BRAT1: variants seen among roughly 807,000 people sequenced by gnomAD.
BRAT1 encodes BRCA1 associated ATM activator 1.
BRAT1 carries 74 observed loss-of-function variants against 70.6 expected under a neutral mutation model. The ratio of observed to expected loss-of-function variants is 1.05; its 90% CI spans 0.87 to 1.27. BRAT1 has a LOEUF of 1.27. BRAT1 is among the 50% of genes most tolerant of loss of function. BRAT1 has a pLI of 0.00. For missense variants in BRAT1, 1,203 were observed against 1,098.2 expected (o/e 1.10, Z -1.35); for synonymous variants, 615 against 517.1 (o/e 1.19, Z -2.57).
intron 2 of BRAT1, among the ~76,000 whole-genome samples, chr7:2,550,959 G>T (rs1397817581): frequency 6.6e-6 from 1 of 152,150 alleles, no homozygotes; most frequent in Non-Finnish European, 1.5e-5. Flanking sequence ...TCATGCTTAG[G>T]TTGGGTGCAG....
intron 1 of BRAT1, among the ~76,000 whole-genome samples, chr7:2,555,210 T>C (rs965316856): frequency 5.9e-5 from 9 of 151,716 alleles, no homozygotes; most frequent in African/African-American, 1.5e-4. Flanking sequence ...AGCGGCTCTG[T>C]CTAACCGGGG....
intron 3 of BRAT1, among the ~76,000 whole-genome samples, chr7:2,545,417 A>AG (rs1217020072): frequency 7.0e-6 from 1 of 143,548 alleles, no homozygotes; most frequent in Non-Finnish European, 1.5e-5. Context: ...GTAGGTTTCC[A>AG]GGGATGTGGA....
chr7:2,538,723 C>T lies in BRAT1; in HGVS notation c.1812G>A (p.Ser604=), dbSNP rs758363310. The change falls in exon 14 of 14, where the codon TCG becomes TCA. Residue 604 remains serine (S), a synonymous_variant. Coordinates refer to ENST00000340611, the MANE Select transcript of BRAT1 (RefSeq NM_152743.4). ...TGACCGCCCGCCGTGGGAAGCCCTC[C>T]GAGTCTACGGAGAGGATGTGCAGGA... ...LELLHILSVD[S]EGFPRRAVMQ... is the part of the protein sequence containing the mutation. The T allele has an allele frequency of 1.0e-5, 16 of 1,598,294 alleles. No individual in the cohort carries two copies. In the East Asian group the frequency reaches 1.6e-4, roughly 16 times the overall value.
intron 3 of BRAT1, 36 bp from the exon 4 acceptor site, chr7:2,545,092 G>A (rs2053240): frequency 8.9e-6 from 13 of 1,459,014 alleles, no homozygotes; most frequent in East Asian, 2.5e-5. Context: ...GTGGCCAGGC[G>A]CAGTGGCTGA....
chr7:2,547,450 G>A lies in BRAT1; in HGVS notation c.156C>T (p.His52=). The part of the protein sequence containing the change: ...GESSVVLLQE[H]PCLVELLSHV... ...GGGACAGCAGCTCCACCAGGCAGGG[G>A]TGCTCCTGCAGCAGCACGACACTGG... is the stretch of plus-strand genomic sequence containing the variant. The change falls in exon 3 of 14, where the codon CAC becomes CAT. Residue 52 remains histidine (H), a synonymous_variant. Transcript: ENST00000340611. 1.2e-6 allele frequency: 2 copies of A among 1,614,066 alleles called. No individual in the cohort carries two copies. Among genetic ancestry groups the A allele is most frequent in the Non-Finnish European group, 1.7e-6 (2 of 1,180,020 alleles).
At chr7:2,540,733 G>C in intron 10 of BRAT1, 1 of 420,332 alleles carries the variant, frequency 2.4e-6, no homozygotes, top group South Asian at 7.2e-5. Flanking sequence ...CCCGCAGGCC[G>C]CCTGACCAGT....
In BRAT1 at chr7:2,541,449, T is replaced by G. The variant is rs1380954665; in HGVS notation, c.1170A>C (p.Leu390=). Residue 390 remains leucine (L), a synonymous_variant, in exon 9 of 14, where the codon CTA becomes CTC. Coordinates refer to ENST00000340611, the MANE Select transcript of BRAT1 (RefSeq NM_152743.4). ...QRPSPWPQAS[L]LGATVTVLRL... Reference sequence around the variant, plus strand: ...GCAGGACAGTCACTGTAGCCCCCAGTAGAGACGCCTGGGGCCACGGTGAAG... The same window carrying G: ...GCAGGACAGTCACTGTAGCCCCCAGGAGAGACGCCTGGGGCCACGGTGAAG... 1.3e-6 allele frequency: 2 copies of G among 1,566,226 alleles called. No individual in the cohort carries two copies. Among genetic ancestry groups the G allele is most frequent in the Middle Eastern group, 2.0e-4 (1 of 5,040 alleles).
intron 7 of BRAT1, 43 bp downstream of exon 7, chr7:2,542,077 G>A: frequency 6.9e-7 from 1 of 1,453,416 alleles, no homozygotes; most frequent in Non-Finnish European, 9.1e-7. Flanking sequence ...CCCAGCCGCA[G>A]GGACCCAGGT....
rs568906543 is a variant in BRAT1, at chr7:2,548,357, AGAG to A, written c.128-882_128-880del. On this transcript the variant is annotated intron_variant, in intron 2 of 13. Coordinates refer to ENST00000340611, the MANE Select transcript of BRAT1 (RefSeq NM_152743.4). ...TCAGTAAGGAGAGTGAGGAGCATGC[AGAG>A]GAGGAGAACCAGGCCAGGACCCAAA... 4.6e-5 allele frequency among the ~76,000 whole-genome samples: 7 copies of A among 152,208 alleles called. No homozygotes were observed. In the South Asian group the frequency reaches 1.2e-3, roughly 27 times the overall value.
intron 9 of BRAT1, 79 bp from the exon 10 acceptor site, chr7:2,541,131 C>T: frequency 7.0e-7 from 1 of 1,431,946 alleles, no homozygotes; most frequent in South Asian, 1.4e-5. Context: ...AGGAGCAGAA[C>T]AAGGCCTCAT....
Position 2,543,012 on chromosome 7 carries a change from AATT to A in BRAT1, c.923+189_923+191del, listed in dbSNP as rs2128395160. 3 of 576,434 alleles carry A rather than the reference AATT, an allele frequency of 5.2e-6. No homozygotes were observed. The highest frequency in any genetic ancestry group is 5.4e-5 in the South Asian group (2 of 36,764). 35.7% of individuals were successfully genotyped at this position (576,434 alleles called of 1,614,324 possible). A position where few individuals can be genotyped will look rare whatever the true frequency, so the allele number is the denominator to read the frequency against. On this transcript the variant is annotated intron_variant, in intron 6 of 13. Coordinates refer to ENST00000340611, the MANE Select transcript of BRAT1 (RefSeq NM_152743.4). This position sits in a 1 kb window ranked among gnomAD's most constrained non-coding sequence, Gnocchi z 5.5. The stretch of plus-strand genomic sequence containing the variant: ...ATCTCGCAGAGCTTTGGTCTGAAAC[AATT>A]ATTCTGTTGCTAAAGAACCTTCAGA...
chr7:2,547,455 C>G lies in BRAT1; in HGVS notation c.151G>C (p.Glu51Gln). ...AGCAGCTCCACCAGGCAGGGGTGCT[C>G]CTGCAGCAGCACGACACTGGACTCT... The part of the protein sequence containing the change: ...EGESSVVLLQ[E>Q]HPCLVELLSH... The change falls in exon 3 of 14, where the codon GAG (glutamate) becomes CAG (glutamine). Residue 51 changes from glutamate (E) to glutamine (Q), a missense_variant. Glu to Gln is a conservative substitution (Grantham distance 29, BLOSUM62 2). Coordinates refer to ENST00000340611, the MANE Select transcript of BRAT1 (RefSeq NM_152743.4). 3 of 1,614,010 alleles carry G rather than the reference C, an allele frequency of 1.9e-6. No individual in the cohort carries two copies. Among genetic ancestry groups the G allele is most frequent in the Non-Finnish European group, 2.5e-6 (3 of 1,180,020 alleles).
At chr7:2,540,105 A>G in intron 10 of BRAT1, 1 of 496,050 alleles carries the variant, frequency 2.0e-6, no homozygotes, top group Non-Finnish European at 3.5e-6. Flanking sequence ...TGCAGCCTCC[A>G]CCTCCCAGGC....
Position 2,541,850 on chromosome 7 carries a change from C to G in BRAT1, c.1016-14G>C, listed in dbSNP as rs1265372231. 2 of 1,611,542 alleles carry G rather than the reference C, an allele frequency of 1.2e-6. No individual in the cohort carries two copies. The highest frequency in any genetic ancestry group is 2.7e-5 in the African/African-American group (2 of 74,806). On this transcript the variant is annotated splice_polypyrimidine_tract_variant and intron_variant, in intron 7 of 13. Coordinates refer to ENST00000340611, the MANE Select transcript of BRAT1 (RefSeq NM_152743.4). ...CGTCCAGCAAGCCTGGGGGCCAAGC[C>G]AGGAAGAGCTCCCTTAGAGAGCACT...
chr7:2,545,711 A>G lies in BRAT1; in HGVS notation c.283-655T>C, dbSNP rs548379419. Among the ~76,000 whole-genome samples the G allele has an allele frequency of 2.6e-5, 4 of 152,214 alleles. No homozygotes were observed. In the East Asian group the frequency reaches 7.8e-4, roughly 30 times the overall value. The stretch of plus-strand genomic sequence containing the variant: ...TACCATGTTGGTTAGCCTGGTCTCG[A>G]ACTCCTGACCTCAGGTGATCCGCCT... On this transcript the variant is annotated intron_variant, in intron 3 of 13. Coordinates refer to ENST00000340611, the MANE Select transcript of BRAT1 (RefSeq NM_152743.4).
intron 7 of BRAT1, 140 bp downstream of exon 7, chr7:2,541,980 G>T: frequency 8.4e-7 from 1 of 1,189,826 alleles, no homozygotes; most frequent in Non-Finnish European, 1.2e-6. Flanking sequence ...CCATGTCCCC[G>T]GTCCCCTTTG....
Position 2,543,236 on chromosome 7 carries a change from G to T in BRAT1, c.891C>A (p.Pro297=). Residue 297 remains proline, a synonymous_variant, in exon 6 of 14, where the codon CCC becomes CCA. Transcript: ENST00000340611. The surrounding 1 kb of genome is among the most constrained non-coding windows in gnomAD (Gnocchi z 5.5). ...LSCLGPTHMG[P]LALGILKLEH... is the part of the protein sequence containing the mutation. ...CGAGCTTCAGGATCCCCAAAGCCAGGGGTCCCATGTGGGTGGGACCCAGGC... is the reference window on the plus strand; with the variant it reads ...CGAGCTTCAGGATCCCCAAAGCCAGTGGTCCCATGTGGGTGGGACCCAGGC... 6.2e-7 allele frequency: 1 copy of T among 1,609,126 alleles called. No homozygotes were observed. Among genetic ancestry groups the T allele is most frequent in the Non-Finnish European group, 8.5e-7 (1 of 1,177,848 alleles).
Position 2,539,613 on chromosome 7 carries a change from A to G in BRAT1, c.1528T>C (p.Cys510Arg), listed in dbSNP as rs376165927. Residue 510 changes from cysteine to arginine, a missense_variant, in exon 12 of 14, where the codon TGC (cysteine) becomes CGC (arginine). Cys to Arg is a radical substitution (Grantham distance 180, BLOSUM62 -3). Coordinates refer to ENST00000340611, the MANE Select transcript of BRAT1 (RefSeq NM_152743.4). ...TCCCTCACCTCCCAGCAGGGGTGGC[A>G]CAGGCGTTTCTGCAGCACAGGGAAC... Reference protein sequence around the residue: ...ELFPVLQKRLCHPCWEVRDSA... With the variant: ...ELFPVLQKRLRHPCWEVRDSA... 5.0e-6 allele frequency: 8 copies of G among 1,594,178 alleles called. No homozygotes were observed. Among genetic ancestry groups the G allele is most frequent in the Non-Finnish European group, 6.8e-6 (8 of 1,169,770 alleles).
In BRAT1 at chr7:2,543,146, C is replaced by T. The variant is rs1779310473; in HGVS notation, c.923+58G>A. The T allele has an allele frequency of 2.8e-5, 42 of 1,500,450 alleles. No individual in the cohort carries two copies. Among genetic ancestry groups the T allele is most frequent in the Non-Finnish European group, 3.6e-5 (41 of 1,123,858 alleles). 92.9% of individuals were successfully genotyped at this position (1,500,450 alleles called of 1,614,324 possible). On this transcript the variant is annotated intron_variant, in intron 6 of 13. Transcript: ENST00000340611. This position sits in a 1 kb window ranked among gnomAD's most constrained non-coding sequence, Gnocchi z 5.5. Reference sequence around the variant, plus strand: ...GCCATGAGGGCTGCGCTCTCAACCTCCCTGCCTGCCCCAGCTCCCAGCACC... The same window carrying T: ...GCCATGAGGGCTGCGCTCTCAACCTTCCTGCCTGCCCCAGCTCCCAGCACC...
Sources: allele counts gnomAD v4.1 joint callset (sites outside exome capture counted in the v4.1 genomes callset), GRCh38; gene constraint gnomAD v4.1.1; non-coding constraint Gnocchi (gnomAD v3.1); transcripts MANE v1.5; gene names NCBI Gene and HGNC (gene_info 2026-07-23, HGNC 2026-07-21).